Variants in AFG2A observed in about 807,000 individuals in gnomAD.
AFG2A encodes the protein ATPase family gene 2 protein homolog A.
chr4:123,060,168 A>G, the AFG2A span, among the ~76,000 whole-genome samples: 2 of 152,282 alleles, frequency 1.3e-5, no homozygotes, highest in South Asian at 2.1e-4. Context: ...GGCTGCTTTC[A>G]CAGGCTGGTG....
At chr4:123,029,980 C>G in the AFG2A span, among the ~76,000 whole-genome samples, 4 of 152,178 alleles carry the variant, frequency 2.6e-5, no homozygotes, top group South Asian at 8.3e-4. Context: ...GTGATTTTGT[C>G]ACTTCCCAGG....
chr4:122,999,233 G>A, the AFG2A span, among the ~76,000 whole-genome samples: 2 of 151,808 alleles, frequency 1.3e-5, no homozygotes, highest in South Asian at 2.1e-4. Context: ...AGTAGGTTGT[G>A]AAAATTTTCT....
the AFG2A span, among the ~76,000 whole-genome samples, chr4:123,275,088 T>C: frequency 6.6e-6 from 1 of 152,152 alleles, no homozygotes; most frequent in Non-Finnish European, 1.5e-5. Context: ...CTTGAGTGAT[T>C]GTCTTTTTTA....
the AFG2A span, among the ~76,000 whole-genome samples, chr4:122,956,842 C>T: frequency 6.6e-6 from 1 of 152,270 alleles, no homozygotes; most frequent in Non-Finnish European, 1.5e-5. Context: ...GTATCATTTT[C>T]TTAACTTTAT....
At chr4:122,954,188 G>A in the AFG2A span, among the ~76,000 whole-genome samples, 24,802 of 152,088 alleles carry the variant, frequency 0.16, 2,457 homozygotes, top group East Asian at 0.45. Flanking sequence ...TAGAGGTGCT[G>A]CCTCAGGGCT....
At chr4:122,947,388 A>T in the AFG2A span, 3 of 1,614,118 alleles carry the variant, frequency 1.9e-6, no homozygotes, top group Non-Finnish European at 2.5e-6. Context: ...AACTGCTTCG[A>T]AGGGTACCCC....
chr4:123,183,726 G>A, the AFG2A span, among the ~76,000 whole-genome samples: 1 of 152,124 alleles, frequency 6.6e-6, no homozygotes, highest in Admixed American at 6.6e-5. Context: ...TTGGCTGCTT[G>A]ATTTACATGA....
the AFG2A span, chr4:123,255,913 A>T: frequency 7.7e-7 from 1 of 1,292,856 alleles, no homozygotes; most frequent in Non-Finnish European, 1.1e-6. Flanking sequence ...TACGAATAAT[A>T]GTGGATTGTT....
the AFG2A span, among the ~76,000 whole-genome samples, chr4:123,011,943 GT>G: frequency 6.7e-6 from 1 of 149,214 alleles, no homozygotes; most frequent in East Asian, 2.0e-4. Context: ...TGGAGAAGGG[GT>G]GGGTAGAGAC....
the AFG2A span, among the ~76,000 whole-genome samples, chr4:122,987,995 T>G: frequency 6.6e-6 from 1 of 152,162 alleles, no homozygotes; most frequent in South Asian, 2.1e-4. Context: ...ACATTTTTAT[T>G]TGGTTATGTC....
the AFG2A span, among the ~76,000 whole-genome samples, chr4:123,248,496 T>C: frequency 3.9e-5 from 6 of 152,350 alleles, no homozygotes; most frequent in South Asian, 1.0e-3. Flanking sequence ...TTTGTACATC[T>C]CTTGGCTGAG....
the AFG2A span, among the ~76,000 whole-genome samples, chr4:123,226,965 C>G: frequency 6.6e-6 from 1 of 152,068 alleles, no homozygotes; most frequent in Non-Finnish European, 1.5e-5. Flanking sequence ...AGGAATGTAC[C>G]CATTTCTTCT....
chr4:123,172,725 G>A, the AFG2A span, among the ~76,000 whole-genome samples: 406 of 152,198 alleles, frequency 2.7e-3, 3 homozygotes, highest in African/African-American at 9.0e-3. Flanking sequence ...ATACTTTAAA[G>A]ATTTTCCCAT....
chr4:123,001,875 T>G, the AFG2A span, among the ~76,000 whole-genome samples: 2 of 151,950 alleles, frequency 1.3e-5, no homozygotes, highest in South Asian at 4.2e-4. Flanking sequence ...CTTTCTGTCT[T>G]GTTGATCTGT....
the AFG2A span, among the ~76,000 whole-genome samples, chr4:123,310,652 T>C: frequency 6.6e-6 from 1 of 152,236 alleles, no homozygotes; most frequent in Non-Finnish European, 1.5e-5. Context: ...ATCTTAGACA[T>C]GCCTGGATCT....
chr4:123,184,532 C>CTTTTTTTTTTTTT, the AFG2A span, among the ~76,000 whole-genome samples: 10 of 89,276 alleles, frequency 1.1e-4, 1 homozygote, highest in African/African-American at 3.6e-4. Context: ...ATGATCATTT[C>CTTTTTTTTTTTTT]TTTTTTTTTT....
chr4:123,204,929 A>G, the AFG2A span, among the ~76,000 whole-genome samples: 1 of 152,218 alleles, frequency 6.6e-6, no homozygotes, highest in Non-Finnish European at 1.5e-5. Flanking sequence ...GGGAGTATGT[A>G]TACAATGGAA....
the AFG2A span, among the ~76,000 whole-genome samples, chr4:123,091,033 C>G: frequency 6.6e-6 from 1 of 152,228 alleles, no homozygotes; most frequent in Non-Finnish European, 1.5e-5. Flanking sequence ...ATATGCCCCA[C>G]TTGCACTGCA....
chr4:123,268,228 T>C, the AFG2A span, among the ~76,000 whole-genome samples: 46 of 152,098 alleles, frequency 3.0e-4, no homozygotes, highest in South Asian at 7.0e-3. Flanking sequence ...AAGAATAATA[T>C]GGCCACAAAA....
Sources: allele counts gnomAD v4.1 joint callset (sites outside exome capture counted in the v4.1 genomes callset), GRCh38; gene constraint gnomAD v4.1.1; transcripts MANE v1.5; gene names NCBI Gene and HGNC (gene_info 2026-07-23, HGNC 2026-07-21).